The following RNF112 variants were observed in gnomAD, a reference collection of about 807,000 sequenced individuals.
RNF112 encodes the protein brain finger protein.
Under a neutral mutation model 64.7 loss-of-function variants are expected in RNF112, and 34 were observed. The observed-to-expected ratio is 0.53, with a 90% CI of 0.40 to 0.70. RNF112 has a LOEUF of 0.70. Ranked by LOEUF, RNF112 falls within the 30% of genes least tolerant of loss-of-function variation. The probability of loss-of-function intolerance (pLI) is 0.00; values close to 1 mark genes in which losing one functional copy is unlikely to be tolerated. For missense variants in RNF112, 734 were observed against 850.0 expected (o/e 0.86, Z 1.70); for synonymous variants, 345 against 344.5 (o/e 1.00, Z -0.02).
chr17:19,413,992 A>G lies in RNF112; in HGVS notation c.826-103A>G. 1 of 965,028 alleles carries G rather than the reference A, an allele frequency of 1.0e-6. No homozygotes were observed. The allele number at this position is 965,028 out of a possible 1,614,324, so 59.8% of individuals were successfully genotyped here. ...CCATACTGGCCTCTCCCATACTCTG[A>G]GGCCCACAGGCTGCCTGCGAGCTCC... On this transcript the variant is annotated intron_variant, in intron 6 of 13. Transcript: ENST00000461366. This position sits in a 1 kb window ranked among gnomAD's most constrained non-coding sequence, Gnocchi z 5.9.
rs772278215 is a variant in RNF112, at chr17:19,415,128, G to A, written c.1217G>A (p.Gly406Glu). The A allele has an allele frequency of 6.2e-7, 1 of 1,608,994 alleles. No homozygotes were observed. Among genetic ancestry groups the A allele is most frequent in the Non-Finnish European group, 8.5e-7 (1 of 1,178,800 alleles). ...APQHAKSRCQ[G>E]YWNEGRAVAR... ...CAGCACGCTAAGAGCCGCTGCCAGGGGTACTGGAACGAGGGGCGCGCCGTG... is the reference window on the plus strand; with the variant it reads ...CAGCACGCTAAGAGCCGCTGCCAGGAGTACTGGAACGAGGGGCGCGCCGTG... Residue 406 changes from glycine to glutamate, a missense_variant, in exon 11 of 14, where the codon GGG becomes GAG. Physicochemically the swap from Gly to Glu is moderately conservative, Grantham distance 98 (BLOSUM62 -2). Transcript: ENST00000461366. The surrounding 1 kb of genome is among the most constrained non-coding windows in gnomAD (Gnocchi z 7.8).
Position 19,412,664 on chromosome 17 carries a change from G to C in RNF112, c.262G>C (p.Gly88Arg). The C allele has an allele frequency of 6.2e-7, 1 of 1,613,416 alleles. No individual in the cohort carries two copies. ...GTGCTTCAGCACACACCGTCTCCCG[G>C]GCTGTGAGCCGCCCTGCTGTCCTGA... ...IRCFSTHRLP[G>R]CEPPCCPECR... is the part of the protein sequence containing the mutation. The change falls in exon 3 of 14, where the codon GGC (glycine) becomes CGC (arginine). Residue 88 changes from glycine to arginine, a missense_variant. Coordinates refer to ENST00000461366, the MANE Select transcript of RNF112 (RefSeq NM_007148.5). The surrounding 1 kb of genome is among the most constrained non-coding windows in gnomAD (Gnocchi z 5.1).
chr17:19,411,630 G>C lies in RNF112; in HGVS notation c.55G>C (p.Glu19Gln), dbSNP rs1392604396. ...TSFCHRLGKR[E>Q]RKQSFMGNSG... Reference sequence around the variant, plus strand: ...TTTTTTTTTTTTTTTTTTCTCCAAGGAGAGAAAACAGAGCTTCATGGGAAA... The same window carrying C: ...TTTTTTTTTTTTTTTTTTCTCCAAGCAGAGAAAACAGAGCTTCATGGGAAA... Residue 19 changes from glutamate (E) to glutamine (Q), a missense_variant and splice_region_variant, in exon 2 of 14, where the codon GAG becomes CAG. Transcript: ENST00000461366. 2 of 1,557,658 alleles carry C rather than the reference G, an allele frequency of 1.3e-6. No individual in the cohort carries two copies. Among genetic ancestry groups the C allele is most frequent in the Admixed American group, 3.9e-5 (2 of 51,422 alleles).
rs1411931980 is a variant in RNF112 at position 19,413,415 on chromosome 17, A to AG, written c.720+10dup. On this transcript the variant is annotated splice_donor_region_variant and intron_variant, in intron 5 of 13. Coordinates refer to ENST00000461366, the MANE Select transcript of RNF112 (RefSeq NM_007148.5). This position sits in a 1 kb window ranked among gnomAD's most constrained non-coding sequence, Gnocchi z 5.9. ...GCTGGGGAAAGAAGGGAAGAAGGTG[A>AG]GGGGGGAAGTGGCAGAAGGAGGTCA... 3 of 1,607,922 alleles carry AG rather than the reference A, an allele frequency of 1.9e-6. No homozygotes were observed. The South Asian group carries it at 3.3e-5, about 18-fold the overall frequency.
Position 19,415,163 on chromosome 17 carries a change from G to T in RNF112, c.1252G>T (p.Asp418Tyr), listed in dbSNP as rs532503481. 6.2e-7 allele frequency: 1 copy of T among 1,608,884 alleles called. No individual in the cohort carries two copies. The highest frequency in any genetic ancestry group is 2.2e-5 in the East Asian group (1 of 44,864). ...CGAGGGGCGCGCCGTGGCCAGGGGG[G>T]ACAGACGCCTACTCACGGGGCAGCA... ...WNEGRAVARG[D>Y]RRLLTGQQLA... is the part of the protein sequence containing the mutation. The change falls in exon 11 of 14, where the codon GAC becomes TAC. Residue 418 changes from aspartate (D) to tyrosine (Y), a missense_variant. Coordinates refer to ENST00000461366, the MANE Select transcript of RNF112 (RefSeq NM_007148.5). This position sits in a 1 kb window ranked among gnomAD's most constrained non-coding sequence, Gnocchi z 7.8.
rs1913680268 is a variant in RNF112 at position 19,412,063 on chromosome 17, G to C, written c.95+393G>C. 6.6e-6 allele frequency among the ~76,000 whole-genome samples: 1 copy of C among 152,188 alleles called. No individual in the cohort carries two copies. The highest frequency in any genetic ancestry group is 1.5e-5 in the Non-Finnish European group (1 of 68,022). On this transcript the variant is annotated intron_variant, in intron 2 of 13. Coordinates refer to ENST00000461366, the MANE Select transcript of RNF112 (RefSeq NM_007148.5). This position sits in a 1 kb window ranked among gnomAD's most constrained non-coding sequence, Gnocchi z 5.1. Reference sequence around the variant, plus strand: ...AGGCTCTTCCCAAGCATTTGCACCAGGCACTGTGCAGACAGCTGCACACGC... The same window carrying C: ...AGGCTCTTCCCAAGCATTTGCACCACGCACTGTGCAGACAGCTGCACACGC...
chr17:19,411,356 G>A lies in RNF112; in HGVS notation c.-53G>A. On this transcript the variant is annotated 5_prime_UTR_variant, in exon 1 of 14. Coordinates refer to ENST00000461366, the MANE Select transcript of RNF112 (RefSeq NM_007148.5). Reference sequence around the variant, plus strand: ...AAAGGCATCCTTACCTCTGGTTGAAGGTCTCGGGGCCTCCCCCTCTGCATC... The same window carrying A: ...AAAGGCATCCTTACCTCTGGTTGAAAGTCTCGGGGCCTCCCCCTCTGCATC... 6.4e-7 allele frequency: 1 copy of A among 1,570,174 alleles called. No homozygotes were observed.
Position 19,413,458 on chromosome 17 carries a change from C to A in RNF112, c.720+47C>A. Reference sequence around the variant, plus strand: ...GGAGGTCAGGGATGGGAAGGGGAATCAAGAAGGGCGTCTCTGGGGTGAGGA... The same window carrying A: ...GGAGGTCAGGGATGGGAAGGGGAATAAAGAAGGGCGTCTCTGGGGTGAGGA... On this transcript the variant is annotated intron_variant, in intron 5 of 13. Transcript: ENST00000461366. The surrounding 1 kb of genome is among the most constrained non-coding windows in gnomAD (Gnocchi z 5.9). The A allele has an allele frequency of 1.3e-6, 2 of 1,576,650 alleles. No individual in the cohort carries two copies. Among genetic ancestry groups the A allele is most frequent in the African/African-American group, 1.3e-5 (1 of 74,218 alleles).
At position 19,411,343 on chromosome 17, in the gene RNF112, A is replaced by AC. The variant is rs904585219; in HGVS notation, c.-64dup. ...CCTTTCCGGGAGAAAAGGCATCCTTACCTCTGGTTGAAGGTCTCGGGGCCT... is the reference window on the plus strand; with the variant it reads ...CCTTTCCGGGAGAAAAGGCATCCTTACCCTCTGGTTGAAGGTCTCGGGGCCT... On this transcript the variant is annotated 5_prime_UTR_variant, in exon 1 of 14. Coordinates refer to ENST00000461366, the MANE Select transcript of RNF112 (RefSeq NM_007148.5). The AC allele has an allele frequency of 3.9e-5, 59 of 1,504,786 alleles. No individual in the cohort carries two copies. The African/African-American group carries it at 7.8e-4, about 20-fold the overall frequency. 93.2% of individuals were successfully genotyped at this position (1,504,786 alleles called of 1,614,324 possible). A position where few individuals can be genotyped will look rare whatever the true frequency, so the allele number is the denominator to read the frequency against.
At position 19,412,885 on chromosome 17, in the gene RNF112, G is replaced by C; in HGVS notation, c.382-53G>C. 6.4e-7 allele frequency: 1 copy of C among 1,565,900 alleles called. No homozygotes were observed. Among genetic ancestry groups the C allele is most frequent in the Non-Finnish European group, 8.6e-7 (1 of 1,157,826 alleles). On this transcript the variant is annotated intron_variant, in intron 3 of 13. Transcript: ENST00000461366. The surrounding 1 kb of genome is among the most constrained non-coding windows in gnomAD (Gnocchi z 5.1). ...AGAGCTCCAGGCTGAACACATTCCA[G>C]GGTCAGGAGCTGGTCCTGGATGCTC...
Position 19,412,362 on chromosome 17 carries a change from T to C in RNF112, c.96-136T>C, listed in dbSNP as rs1254808127. 2 of 924,304 alleles carry C rather than the reference T, an allele frequency of 2.2e-6. No individual in the cohort carries two copies. The highest frequency in any genetic ancestry group is 3.4e-5 in the African/African-American group (2 of 59,530). The allele number at this position is 924,304 out of a possible 1,614,324, so 57.3% of individuals were successfully genotyped here. On this transcript the variant is annotated intron_variant, in intron 2 of 13. Transcript: ENST00000461366. This position sits in a 1 kb window ranked among gnomAD's most constrained non-coding sequence, Gnocchi z 5.1. ...CTCTGGGAGCAGCTCCGCCTGTCCA[T>C]GGAGGCACTGATGGAAATTGGGTTG...
chr17:19,416,428 T>G lies in RNF112; in HGVS notation c.*253T>G, dbSNP rs1913898168. The G allele has an allele frequency of 2.1e-6, 1 of 472,228 alleles. No individual in the cohort carries two copies. The allele number at this position is 472,228 out of a possible 1,614,324, so 29.3% of individuals were successfully genotyped here. A position where few individuals can be genotyped will look rare whatever the true frequency, so the allele number is the denominator to read the frequency against. On this transcript the variant is annotated 3_prime_UTR_variant, in exon 14 of 14. Coordinates refer to ENST00000461366, the MANE Select transcript of RNF112 (RefSeq NM_007148.5). ...TTGCAGATGGTTGCCGATCTGCCCT[T>G]GTCACAGATAGGCTACATCCCAGGG... is the stretch of plus-strand genomic sequence containing the variant.
In RNF112 at chr17:19,416,338, G is replaced by A; in HGVS notation, c.*163G>A. The A allele has an allele frequency of 1.5e-6, 1 of 665,460 alleles. No individual in the cohort carries two copies. The highest frequency in any genetic ancestry group is 2.4e-6 in the Non-Finnish European group (1 of 410,590). The allele number at this position is 665,460 out of a possible 1,614,324, so 41.2% of individuals were successfully genotyped here. On this transcript the variant is annotated 3_prime_UTR_variant, in exon 14 of 14. Transcript: ENST00000461366. ...GGTGGCAGCTGAGCTGGGACTCAAG[G>A]TGGCTCTTGGAACCTGGGAGGCAGC...
At position 19,413,733 on chromosome 17, in the gene RNF112, C is replaced by G; in HGVS notation, c.825+52C>G. On this transcript the variant is annotated intron_variant, in intron 6 of 13. Transcript: ENST00000461366. This position sits in a 1 kb window ranked among gnomAD's most constrained non-coding sequence, Gnocchi z 5.9. The stretch of plus-strand genomic sequence containing the variant: ...CCCCACCCCACACACCCTTCTCCAG[C>G]TCAGCTTCCTCAAGGCCAGAGCATC... The G allele has an allele frequency of 1.5e-6, 2 of 1,342,256 alleles. No homozygotes were observed. The highest frequency in any genetic ancestry group is 2.1e-6 in the Non-Finnish European group (2 of 970,304). 83.1% of individuals were successfully genotyped at this position (1,342,256 alleles called of 1,614,324 possible). A position where few individuals can be genotyped will look rare whatever the true frequency, so the allele number is the denominator to read the frequency against.
intron 6 of RNF112, 43 bp from the exon 7 acceptor site, chr17:19,414,052 G>A (rs1022910502): frequency 1.4e-5 from 22 of 1,567,924 alleles, no homozygotes; most frequent in South Asian, 3.4e-5. Flanking sequence ...GAAGTCACCC[G>A]GCCTCTGTAA....
chr17:19,414,551 C>T, intron 8 of RNF112, 35 bp from the exon 9 acceptor site: 1 of 1,613,926 alleles, frequency 6.2e-7, no homozygotes, highest in Non-Finnish European at 8.5e-7. Context: ...CCCCGCCACC[C>T]CCATTTGCTG....
Position 19,415,412 on chromosome 17 carries a change from C to T in RNF112, c.1350+73C>T, listed in dbSNP as rs1913845102. On this transcript the variant is annotated intron_variant, in intron 12 of 13. Transcript: ENST00000461366. This position sits in a 1 kb window ranked among gnomAD's most constrained non-coding sequence, Gnocchi z 7.8. The stretch of plus-strand genomic sequence containing the variant: ...CAGGGAGGTGGGGGCTGTGCCGAGG[C>T]CTCCGGGGTGGGGGTCTGTGTGCCC... 1.3e-6 allele frequency: 2 copies of T among 1,541,806 alleles called. No homozygotes were observed. The highest frequency in any genetic ancestry group is 4.7e-5 in the East Asian group (2 of 42,218).
At chr17:19,414,328 A>T (rs1174706717) in intron 7 of RNF112, 121 bp from the exon 8 acceptor site, 2 of 1,255,772 alleles carry the variant, frequency 1.6e-6, no homozygotes, top group African/African-American at 2.9e-5. Flanking sequence ...GGAGAACCCC[A>T]GGCTGCAAAA....
Position 19,412,790 on chromosome 17 carries a change from G to C in RNF112, c.381+7G>C. 6.2e-7 allele frequency: 1 copy of C among 1,606,912 alleles called. No individual in the cohort carries two copies. Among genetic ancestry groups the C allele is most frequent in the African/African-American group, 1.3e-5 (1 of 74,436 alleles). ...GCTGCCCCCTGCACTGCAGGTCTGG[G>C]GACTGGGCCTAATCAGTCAGACCCA... On this transcript the variant is annotated splice_region_variant and intron_variant, in intron 3 of 13. Transcript: ENST00000461366. The surrounding 1 kb of genome is among the most constrained non-coding windows in gnomAD (Gnocchi z 5.1).
Sources: gnomAD v4.1 joint callset for allele counts (sites outside exome capture counted in the v4.1 genomes callset) on GRCh38, gnomAD v4.1.1 for gene constraint, Gnocchi (gnomAD v3.1) non-coding constraint, MANE v1.5 for transcripts, NCBI Gene and HGNC (gene_info 2026-07-23, HGNC 2026-07-21) for gene names.